NEDD4: variants seen among roughly 807,000 people sequenced by gnomAD.
NEDD4 encodes the protein NEDD4 E3 ubiquitin protein ligase.
A neutral mutation model predicts 144.9 loss-of-function variants in NEDD4; 99 were observed. The observed-to-expected ratio is 0.68, with a 90% confidence interval of 0.58 to 0.81. The LOEUF (loss-of-function observed/expected upper bound fraction) is 0.81. Among genes scored for constraint, NEDD4 ranks in the 30% least tolerant of loss-of-function variants. The pLI, the probability that NEDD4 is intolerant of heterozygous loss-of-function variation, is 0.00. For synonymous variants in NEDD4, 318 were observed against 350.6 expected (o/e 0.91, Z 1.04); for missense variants, 985 against 1,065.9 (o/e 0.92, Z 1.06).
intron 5 of NEDD4, among the ~76,000 whole-genome samples, chr15:55,885,735 A>C (rs1595796969): frequency 6.6e-6 from 1 of 152,126 alleles, no homozygotes; most frequent in East Asian, 1.9e-4. Context: ...ACATACCACC[A>C]GATAAAATCA....
rs2032820348 is a variant in NEDD4, at chr15:55,829,077, G to A, written c.*820C>T. 1 of 152,538 alleles carries A rather than the reference G, an allele frequency of 6.6e-6. No homozygotes were observed. Among genetic ancestry groups the A allele is most frequent in the Non-Finnish European group, 1.5e-5 (1 of 68,018 alleles). 9.4% of individuals were successfully genotyped at this position (152,538 alleles called of 1,614,324 possible). On this transcript the variant is annotated 3_prime_UTR_variant, in exon 29 of 29. Coordinates refer to ENST00000435532, the MANE Select transcript of NEDD4 (RefSeq NM_006154.4). Reference sequence around the variant, plus strand: ...GCTTTGTGGATCTTTAATGTTTGAAGAAGGAATTCTTCTAACTACACTAAA... The same window carrying A: ...GCTTTGTGGATCTTTAATGTTTGAAAAAGGAATTCTTCTAACTACACTAAA...
intron 13 of NEDD4, among the ~76,000 whole-genome samples, chr15:55,851,228 T>A (rs1184461015): frequency 1.3e-5 from 2 of 152,060 alleles, no homozygotes; most frequent in Non-Finnish European, 2.9e-5. Context: ...ACCACAGAAA[T>A]GGATAATTGA....
intron 19 of NEDD4, 88 bp downstream of exon 19, chr15:55,841,846 C>G: frequency 9.3e-7 from 1 of 1,080,240 alleles, no homozygotes; most frequent in Middle Eastern, 2.1e-4. Context: ...GCTGGGATTA[C>G]AGGCATGAGC....
chr15:55,963,366 A>C lies in NEDD4; in HGVS notation c.119+3107T>G, dbSNP rs538510898. Among the ~76,000 whole-genome samples the C allele has an allele frequency of 1.2e-4, 18 of 152,194 alleles. No homozygotes were observed. The South Asian group carries it at 2.3e-3, about 19-fold the overall frequency. ...AGGCTGGTCTTGAACCTCTGGGCTC[A>C]AGTTCCTGGCTTTTTTATTTAGTTT... is the stretch of plus-strand genomic sequence containing the variant. On this transcript the variant is annotated intron_variant, in intron 2 of 28. Coordinates refer to ENST00000435532, the MANE Select transcript of NEDD4 (RefSeq NM_006154.4).
chr15:55,873,868 A>C, intron 6 of NEDD4, 90 bp downstream of exon 6: 1 of 549,672 alleles, frequency 1.8e-6, no homozygotes, highest in Non-Finnish European at 3.1e-6. Context: ...TTGATAAATC[A>C]ATTATTTACA....
chr15:55,968,630 T>C (rs1393148996), intron 1 of NEDD4, among the ~76,000 whole-genome samples: 1 of 152,162 alleles, frequency 6.6e-6, no homozygotes, highest in African/African-American at 2.4e-5. Context: ...AAGAAATACA[T>C]GAAAAGATAA....
At chr15:55,906,706 C>A (rs1417219135) in intron 5 of NEDD4, among the ~76,000 whole-genome samples, 1 of 152,100 alleles carries the variant, frequency 6.6e-6, no homozygotes, top group African/African-American at 2.4e-5. Flanking sequence ...GGGTGCAGCA[C>A]ACCAACATGG....
chr15:55,960,983 G>T (rs939000343), intron 2 of NEDD4, among the ~76,000 whole-genome samples: 3 of 152,198 alleles, frequency 2.0e-5, no homozygotes, highest in Non-Finnish European at 2.9e-5. Flanking sequence ...TATTTCTTGT[G>T]TTTTGTTGAG....
At chr15:55,957,889 G>A (rs140341562) in intron 2 of NEDD4, among the ~76,000 whole-genome samples, 22 of 152,178 alleles carry the variant, frequency 1.4e-4, no homozygotes, top group African/African-American at 3.9e-4. Context: ...ACCAAACACC[G>A]CATGTTCTCA....
At chr15:55,959,592 T>C (rs1183880039) in intron 2 of NEDD4, among the ~76,000 whole-genome samples, 1 of 152,188 alleles carries the variant, frequency 6.6e-6, no homozygotes, top group African/African-American at 2.4e-5. Context: ...ATCTATATAT[T>C]CTAACCAACA....
intron 5 of NEDD4, among the ~76,000 whole-genome samples, chr15:55,917,740 G>A (rs1284576492): frequency 1.4e-4 from 22 of 151,798 alleles, no homozygotes; most frequent in African/African-American, 5.1e-4. Context: ...CAGCCAAGTA[G>A]AACAGTCTTT....
At chr15:55,915,028 A>G (rs1884135531) in intron 5 of NEDD4, among the ~76,000 whole-genome samples, 2 of 152,108 alleles carry the variant, frequency 1.3e-5, no homozygotes, top group Admixed American at 1.3e-4. Flanking sequence ...ATGTTGTAGA[A>G]AAGTTTTATA....
At chr15:55,902,759 A>G (rs2035950746) in intron 5 of NEDD4, among the ~76,000 whole-genome samples, 1 of 152,236 alleles carries the variant, frequency 6.6e-6, no homozygotes, top group African/African-American at 2.4e-5. Context: ...GGCAGAAAAC[A>G]AAGTATGTGT....
At chr15:55,900,482 G>T (rs1160187350) in intron 5 of NEDD4, among the ~76,000 whole-genome samples, 4 of 152,204 alleles carry the variant, frequency 2.6e-5, no homozygotes, top group African/African-American at 9.6e-5. Context: ...CAAAATTATG[G>T]TATCAGTATA....
chr15:55,968,447 AC>A (rs1427584540), intron 1 of NEDD4, among the ~76,000 whole-genome samples: 1 of 152,192 alleles, frequency 6.6e-6, no homozygotes, highest in African/African-American at 2.4e-5. Flanking sequence ...AATGAAAAAA[AC>A]AAGGGGATAT....
intron 5 of NEDD4, among the ~76,000 whole-genome samples, chr15:55,914,180 C>G (rs574766038): frequency 6.7e-6 from 1 of 148,530 alleles, no homozygotes; most frequent in East Asian, 2.0e-4. Context: ...TTTTATTCAC[C>G]TAAAGTTACT....
intron 21 of NEDD4, among the ~76,000 whole-genome samples, chr15:55,838,874 G>A (rs1316471135): frequency 6.6e-6 from 1 of 152,152 alleles, no homozygotes; most frequent in African/African-American, 2.4e-5. Context: ...TGTTTATGTG[G>A]AAGCAGTGGA....
intron 4 of NEDD4, among the ~76,000 whole-genome samples, chr15:55,930,415 C>T (rs1462968841): frequency 6.6e-6 from 1 of 152,114 alleles, no homozygotes; most frequent in Admixed American, 6.6e-5. Flanking sequence ...TTAGTCAAAC[C>T]ATTTTCTGAG....
At chr15:55,832,178 C>T (rs1245945912) in intron 27 of NEDD4, among the ~76,000 whole-genome samples, 1 of 111,558 alleles carries the variant, frequency 9.0e-6, no homozygotes, top group East Asian at 2.4e-4. Flanking sequence ...CCACCCCTAT[C>T]TTGAAAAAAA....
Sources: gnomAD v4.1 joint callset for allele counts (sites outside exome capture counted in the v4.1 genomes callset) on GRCh38, gnomAD v4.1.1 for gene constraint, MANE v1.5 for transcripts, NCBI Gene and HGNC (gene_info 2026-07-23, HGNC 2026-07-21) for gene names.